Variants in DNPEP observed in about 807,000 individuals in gnomAD.
DNPEP encodes the protein aspartyl aminopeptidase.
In DNPEP, 46 loss-of-function variants were observed where a neutral mutation model predicts 59.1. That is an observed-to-expected ratio of 0.78 (90% CI 0.61 to 0.99). The LOEUF (loss-of-function observed/expected upper bound fraction) is 0.99, where lower values mean the gene tolerates loss of function less well. Ranked by LOEUF, DNPEP falls within the 50% of genes least tolerant of loss-of-function variation. The probability of loss-of-function intolerance (pLI) is 0.00; values close to 1 mark genes in which losing one functional copy is unlikely to be tolerated. For missense variants in DNPEP, 617 were observed against 649.9 expected, an observed-to-expected ratio of 0.95 and a Z score of 0.55; for synonymous variants, 229 against 242.2, an observed-to-expected ratio of 0.95 and a Z score of 0.50.
chr2:219,386,307 CAG>C lies in DNPEP; in HGVS notation c.436_437del (p.Leu146GlyfsTer69), dbSNP rs1377821676. The C allele has an allele frequency of 8.7e-6, 14 of 1,614,074 alleles. No homozygotes were observed. The highest frequency in any genetic ancestry group is 2.7e-5 in the African/African-American group (2 of 74,932). The part of the protein sequence containing the change: ...WSTWFDRDLT[L>X]AGRVIVKCPT... ...CCACCTTGACAATGACGCGTCCAGCCAGAGTCAGGTCACGGTCAAACCAGGTG... is the reference window on the plus strand; with the variant it reads ...CCACCTTGACAATGACGCGTCCAGCCAGTCAGGTCACGGTCAAACCAGGTG... On this transcript the variant is annotated frameshift_variant, in exon 5 of 15. Transcript: ENST00000273075. LOFTEE classifies it high-confidence loss of function.
intron 13 of DNPEP, among the ~76,000 whole-genome samples, chr2:219,377,305 A>AAG (rs1953414915): frequency 6.7e-6 from 1 of 148,430 alleles, no homozygotes; most frequent in Non-Finnish European, 1.5e-5. Context: ...AAAAAAAAAA[A>AAG]GTTTAACTTG....
upstream of DNPEP, chr2:219,387,978 G>T: frequency 2.8e-6 from 3 of 1,076,230 alleles, no homozygotes; most frequent in South Asian, 4.0e-5. Context: ...CTCGGCATCC[G>T]CCCCGCCCAC....
upstream of DNPEP, chr2:219,387,960 C>T: frequency 8.0e-7 from 1 of 1,257,508 alleles, no homozygotes; most frequent in East Asian, 3.2e-5. Context: ...GCCCACCTCT[C>T]CCCGCCCCTC....
intron 8 of DNPEP, 68 bp from the exon 9 acceptor site, chr2:219,384,511 A>G (rs1431355449): frequency 7.2e-7 from 1 of 1,395,510 alleles, no homozygotes; most frequent in Non-Finnish European, 1.0e-6. Flanking sequence ...TTTGCTCCCA[A>G]GGGTCTCCTT....
At chr2:219,395,512 A>G (rs1244025770) in intron 1 of DNPEP, among the ~76,000 whole-genome samples, 1 of 152,232 alleles carries the variant, frequency 6.6e-6, no homozygotes, top group African/African-American at 2.4e-5. Context: ...TTCTTAGCTC[A>G]GAACTCCAAA....
In DNPEP at chr2:219,372,774, A is replaced by AT. The variant is rs1019282188; in HGVS notation, c.*1517dup. Among the ~76,000 whole-genome samples the AT allele has an allele frequency of 2.0e-5, 3 of 152,186 alleles. No individual in the cohort carries two copies. Among genetic ancestry groups the AT allele is most frequent in the African/African-American group, 7.2e-5 (3 of 41,444 alleles). Reference sequence around the variant, plus strand: ...TTCATGTTAGTACACACACTATACAATTTATCTTTTTCTCAATAGCTACCT... The same window carrying AT: ...TTCATGTTAGTACACACACTATACAATTTTATCTTTTTCTCAATAGCTACCT... On this transcript the variant is annotated 3_prime_UTR_variant, in exon 15 of 15. Coordinates refer to ENST00000273075, the MANE Select transcript of DNPEP (RefSeq NM_012100.4).
rs1011239087 is a variant in DNPEP at position 219,372,448 on chromosome 2, C to G, written c.*1844G>C. Among the ~76,000 whole-genome samples the G allele has an allele frequency of 6.6e-6, 1 of 152,130 alleles. No homozygotes were observed. Among genetic ancestry groups the G allele is most frequent in the Admixed American group, 6.6e-5 (1 of 15,262 alleles). The stretch of plus-strand genomic sequence containing the variant: ...TGGCTCAATCTTGGCTCACTGCAGC[C>G]TCTGCCTCCCTGGCTCAAGCTATTC... On this transcript the variant is annotated 3_prime_UTR_variant, in exon 15 of 15. Transcript: ENST00000273075.
chr2:219,395,139 G>T (rs1954075836), intron 1 of DNPEP, among the ~76,000 whole-genome samples: 1 of 152,054 alleles, frequency 6.6e-6, no homozygotes, highest in African/African-American at 2.4e-5. Context: ...GTAGAGACAG[G>T]GTTTCACTAT....
Position 219,387,840 on chromosome 2 carries a change from C to A in DNPEP, c.-46G>T. 1 of 1,543,092 alleles carries A rather than the reference C, an allele frequency of 6.5e-7. No homozygotes were observed. Among genetic ancestry groups the A allele is most frequent in the Non-Finnish European group, 8.7e-7 (1 of 1,148,288 alleles). On this transcript the variant is annotated 5_prime_UTR_variant, in exon 1 of 15. Coordinates refer to ENST00000273075, the MANE Select transcript of DNPEP (RefSeq NM_012100.4). ...GCCCCCACCGCGCCGCCTGCCCCGCCCCTCACTAGCTTTGCAGGTCCCCCG... is the reference window on the plus strand; with the variant it reads ...GCCCCCACCGCGCCGCCTGCCCCGCACCTCACTAGCTTTGCAGGTCCCCCG...
rs1012595285 is a variant in DNPEP at position 219,386,269 on chromosome 2, C to G, written c.459+17G>C. 1.9e-6 allele frequency: 3 copies of G among 1,614,034 alleles called. No homozygotes were observed. Among genetic ancestry groups the G allele is most frequent in the Non-Finnish European group, 2.5e-6 (3 of 1,180,000 alleles). On this transcript the variant is annotated intron_variant, in intron 5 of 14. Coordinates refer to ENST00000273075, the MANE Select transcript of DNPEP (RefSeq NM_012100.4). Reference sequence around the variant, plus strand: ...GTCTTCTGAGGAGGCTCCGCCATCCCCAACCTCGGTTCCCACCTTGACAAT... The same window carrying G: ...GTCTTCTGAGGAGGCTCCGCCATCCGCAACCTCGGTTCCCACCTTGACAAT...
chr2:219,388,527 C>T (rs532091562), upstream of DNPEP: 10 of 198,478 alleles, frequency 5.0e-5, no homozygotes, highest in South Asian at 1.5e-3. Context: ...TCGTCTCCGC[C>T]CCTGCGGGGG....
chr2:219,388,864 C>T (rs1953962532), upstream of DNPEP: 1 of 985,478 alleles, frequency 1.0e-6, no homozygotes, highest in African/African-American at 1.7e-5. Context: ...GCCCCATCAA[C>T]TATGTACTCT....
chr2:219,385,915 C>T, intron 6 of DNPEP, 53 bp downstream of exon 6: 15 of 1,603,714 alleles, frequency 9.4e-6, no homozygotes, highest in Non-Finnish European at 1.2e-5. Flanking sequence ...GTAATAATCA[C>T]CTGGTACCAT....
chr2:219,376,888 G>A (rs1180963518), intron 13 of DNPEP, among the ~76,000 whole-genome samples: 1 of 86,668 alleles, frequency 1.2e-5, no homozygotes, highest in African/African-American at 3.4e-5. Context: ...TCCTGGTCCA[G>A]TGGTCAATCT....
At chr2:219,378,224 C>T (rs1374851538) in intron 13 of DNPEP, among the ~76,000 whole-genome samples, 1 of 152,132 alleles carries the variant, frequency 6.6e-6, no homozygotes, top group African/African-American at 2.4e-5. Flanking sequence ...ATTGAAATGT[C>T]CTTCCATGGC....
At chr2:219,399,813 C>A in intron 1 of DNPEP, 1 of 1,314,168 alleles carries the variant, frequency 7.6e-7, no homozygotes, top group Non-Finnish European at 1.0e-6. Flanking sequence ...AAGGCTGGTG[C>A]CTAGGAACGT....
intron 10 of DNPEP, 49 bp downstream of exon 10, chr2:219,383,082 G>A (rs1953664670): frequency 6.5e-7 from 1 of 1,549,604 alleles, no homozygotes; most frequent in South Asian, 1.1e-5. Context: ...CAACAAGTTG[G>A]CTGTGGAAGA....
At chr2:219,392,211 C>T (rs1475756912), upstream of DNPEP, among the ~76,000 whole-genome samples, 1 of 152,174 alleles carries the variant, frequency 6.6e-6, no homozygotes, top group African/African-American at 2.4e-5. Context: ...CCTGGAAGAT[C>T]TCGGCTGATG....
chr2:219,390,349 A>G (rs189233749), upstream of DNPEP, among the ~76,000 whole-genome samples: 8 of 152,368 alleles, frequency 5.3e-5, no homozygotes, highest in Admixed American at 4.6e-4. Context: ...AACTGGTAGG[A>G]AGGGTAGCCT....
Sources: gnomAD v4.1 joint callset for allele counts (sites outside exome capture counted in the v4.1 genomes callset) on GRCh38, gnomAD v4.1.1 for gene constraint, MANE v1.5 for transcripts, NCBI Gene and HGNC (gene_info 2026-07-23, HGNC 2026-07-21) for gene names.